Variants in STRA6 observed in about 807,000 individuals in gnomAD.
STRA6 encodes the protein signaling receptor and transporter of retinol STRA6.
A neutral mutation model predicts 83.6 loss-of-function variants in STRA6; 48 were observed. The observed-to-expected ratio is 0.57, with a 90% CI of 0.46 to 0.73. The LOEUF (loss-of-function observed/expected upper bound fraction) is 0.73. Among genes scored for constraint, STRA6 ranks in the 30% least tolerant of loss-of-function variants. STRA6 has a pLI of 0.00. For missense variants in STRA6, 760 were observed against 838.8 expected (o/e 0.91, Z 1.16); for synonymous variants, 353 against 362.3 (o/e 0.97, Z 0.29).
Position 74,202,768 on chromosome 15 carries a change from C to T in STRA6, c.-71G>A, listed in dbSNP as rs539692869. The T allele has an allele frequency of 4.2e-5, 50 of 1,181,210 alleles. No homozygotes were observed. The African/African-American group carries it at 6.5e-4, about 15-fold the overall frequency. 73.2% of individuals were successfully genotyped at this position (1,181,210 alleles called of 1,614,324 possible). On this transcript the variant is annotated 5_prime_UTR_variant, in exon 1 of 19. It adds an upstream start codon to the 5' untranslated region. Coordinates refer to ENST00000395105, the MANE Select transcript of STRA6 (RefSeq NM_022369.4). ...CAGAGATGAAAGGGTAGGCAGCCCA[C>T]GGCCAGCTCCGCACTGCCTGCCTGG... is the stretch of plus-strand genomic sequence containing the variant.
intron 4 of STRA6, among the ~76,000 whole-genome samples, chr15:74,197,092 T>C (rs1595855783): frequency 1.3e-5 from 2 of 152,236 alleles, no homozygotes; most frequent in East Asian, 3.9e-4. Context: ...TCAGGCTTGT[T>C]TCCCTAGGGT....
At chr15:74,209,894 A>G (rs1357412403), upstream of STRA6, among the ~76,000 whole-genome samples, 1 of 152,168 alleles carries the variant, frequency 6.6e-6, no homozygotes, top group Non-Finnish European at 1.5e-5. Context: ...GGCCCTGGAG[A>G]GGCAGTCTCT....
At chr15:74,187,576 G>C (rs1056165429) in intron 12 of STRA6, among the ~76,000 whole-genome samples, 1 of 152,012 alleles carries the variant, frequency 6.6e-6, no homozygotes, top group African/African-American at 2.4e-5. Flanking sequence ...CCAAGTGCTG[G>C]GTGGCAGTCC....
chr15:74,211,393 C>CTTT (rs34963230), upstream of STRA6, among the ~76,000 whole-genome samples: 260 of 73,890 alleles, frequency 3.5e-3, no homozygotes, highest in East Asian at 0.01. Flanking sequence ...CTGCCCCTGG[C>CTTT]TTTTTTTTTT....
In STRA6 at chr15:74,196,007, C is replaced by T. The variant is rs771070398; in HGVS notation, c.406+1G>A. 5.6e-6 allele frequency: 9 copies of T among 1,613,698 alleles called. No individual in the cohort carries two copies. The highest frequency in any genetic ancestry group is 5.1e-6 in the Non-Finnish European group (6 of 1,179,970). On this transcript the variant is annotated splice_donor_variant, in intron 5 of 18. Coordinates refer to ENST00000395105, the MANE Select transcript of STRA6 (RefSeq NM_022369.4). LOFTEE classifies it high-confidence loss of function. Reference sequence around the variant, plus strand: ...CCCAGGGCCTGGGGGTCAGTGGGTACCTTGGCTGGGTGCTGAGGCGAGAGT... The same window carrying T: ...CCCAGGGCCTGGGGGTCAGTGGGTATCTTGGCTGGGTGCTGAGGCGAGAGT...
intron 2 of STRA6, among the ~76,000 whole-genome samples, chr15:74,200,558 A>G (rs1475880707): frequency 6.6e-6 from 1 of 152,218 alleles, no homozygotes; most frequent in Admixed American, 6.5e-5. Flanking sequence ...AGTTCTTCAA[A>G]GCTCTGATGC....
chr15:74,191,846 G>C (rs1402391186), intron 8 of STRA6: 3 of 407,852 alleles, frequency 7.4e-6, no homozygotes, highest in East Asian at 1.1e-4. Flanking sequence ...CTGGGGCAAA[G>C]GGAAGCTTGT....
rs149927443 is a variant in STRA6 at position 74,191,614 on chromosome 15, G to A, written c.721-123C>T. On this transcript the variant is annotated intron_variant, in intron 8 of 18. Transcript: ENST00000395105. ...CCATAAAAACCTGTTGGCCATGGCG[G>A]TGGTGGTGAGTGTGGATGGGGCTGA... is the stretch of plus-strand genomic sequence containing the variant. The A allele has an allele frequency of 8.2e-4, 679 of 824,092 alleles. 2 individuals carry two copies. The African/African-American group carries it at 9.7e-3, about 12-fold the overall frequency. 51.0% of individuals were successfully genotyped at this position (824,092 alleles called of 1,614,324 possible). A position where few individuals can be genotyped will look rare whatever the true frequency, so the allele number is the denominator to read the frequency against.
chr15:74,199,008 T>C (rs1047637165), intron 2 of STRA6, among the ~76,000 whole-genome samples: 1 of 152,028 alleles, frequency 6.6e-6, no homozygotes, highest in African/African-American at 2.4e-5. Flanking sequence ...TGGTGAGCAG[T>C]AGAGCTCCGG....
rs1301976606 is a variant in STRA6 at position 74,188,632 on chromosome 15, T to C, written c.1090+483A>G. Among the ~76,000 whole-genome samples the C allele has an allele frequency of 1.3e-5, 2 of 152,120 alleles. No individual in the cohort carries two copies. Among genetic ancestry groups the C allele is most frequent in the African/African-American group, 4.8e-5 (2 of 41,412 alleles). ...AGGGGAAGCCAAGATGGTTCCCTGGTTCAGGAGCTCATTGTCAGAGGAGGG... is the reference window on the plus strand; with the variant it reads ...AGGGGAAGCCAAGATGGTTCCCTGGCTCAGGAGCTCATTGTCAGAGGAGGG... On this transcript the variant is annotated intron_variant, in intron 12 of 18. Transcript: ENST00000395105. The surrounding 1 kb of genome is among the most constrained non-coding windows in gnomAD (Gnocchi z 4.5).
chr15:74,183,706 AG>A (rs1032312283), intron 14 of STRA6, 149 bp downstream of exon 14: 59 of 1,582,574 alleles, frequency 3.7e-5, no homozygotes, highest in Non-Finnish European at 4.5e-5. Context: ...CAGGGAAGGC[AG>A]GGGGGTCCCT....
chr15:74,182,662 T>G, intron 14 of STRA6: 1 of 585,574 alleles, frequency 1.7e-6, no homozygotes, highest in South Asian at 2.0e-5. Flanking sequence ...ATGGGGATAA[T>G]AGTCCCTACC....
intron 12 of STRA6, 92 bp downstream of exon 12, chr15:74,189,023 C>A: frequency 6.7e-7 from 1 of 1,483,596 alleles, no homozygotes; most frequent in East Asian, 2.4e-5. Flanking sequence ...CCAAGGGCCC[C>A]CAGTGTGTCC....
upstream of STRA6, chr15:74,202,970 C>A: frequency 1.0e-6 from 1 of 986,412 alleles, no homozygotes; most frequent in Non-Finnish European, 1.2e-6. Flanking sequence ...CCAGGAGCCA[C>A]CCCCACCCCC....
upstream of STRA6, among the ~76,000 whole-genome samples, chr15:74,204,922 C>G (rs1048879951): frequency 1.3e-5 from 2 of 149,330 alleles, no homozygotes; most frequent in African/African-American, 4.9e-5. Context: ...ACAAAAGAGG[C>G]AAACTCCATC....
At chr15:74,195,498 T>A in intron 6 of STRA6, 30 bp from the exon 7 acceptor site, 1 of 1,610,282 alleles carries the variant, frequency 6.2e-7, no homozygotes, top group Middle Eastern at 1.7e-4. Flanking sequence ...GAGAGACCCA[T>A]GCTGGAGGGG....
At chr15:74,181,004 C>T in intron 17 of STRA6, 67 bp from the exon 18 acceptor site, 5 of 1,597,436 alleles carry the variant, frequency 3.1e-6, no homozygotes, top group Non-Finnish European at 4.3e-6. Flanking sequence ...CCAGACATCC[C>T]CTAACACACA....
chr15:74,211,849 ACTTTC>A (rs1427542199), upstream of STRA6, among the ~76,000 whole-genome samples: 3 of 149,586 alleles, frequency 2.0e-5, no homozygotes, highest in Admixed American at 6.6e-5. Flanking sequence ...GTCTCTCTCT[ACTTTC>A]CTTCTGTCTC....
chr15:74,181,457 G>A lies in STRA6; in HGVS notation c.1522C>T (p.Arg508Ter), dbSNP rs1343310865. 3.7e-6 allele frequency: 6 copies of A among 1,613,666 alleles called. No homozygotes were observed. Among genetic ancestry groups the A allele is most frequent in the Non-Finnish European group, 5.1e-6 (6 of 1,179,858 alleles). The change falls in exon 17 of 19, where the codon CGA becomes TGA. Residue 508 changes from arginine to a stop codon, truncating the protein, a stop_gained and splice_region_variant. Coordinates refer to ENST00000395105, the MANE Select transcript of STRA6 (RefSeq NM_022369.4). LOFTEE classifies it high-confidence loss of function. ...HDGHPQLTNRRVLYAATFLLF... is the reference protein window; with the variant it reads ...HDGHPQLTNR Reference sequence around the variant, plus strand: ...AGAAAGGTGGCTGCATAGAGCACTCGCCTAGGATGGGAGAAGAAAGCTGAG... The same window carrying A: ...AGAAAGGTGGCTGCATAGAGCACTCACCTAGGATGGGAGAAGAAAGCTGAG...
Sources: gnomAD v4.1 joint callset for allele counts (sites outside exome capture counted in the v4.1 genomes callset) on GRCh38, gnomAD v4.1.1 for gene constraint, Gnocchi (gnomAD v3.1) non-coding constraint, MANE v1.5 for transcripts, NCBI Gene and HGNC (gene_info 2026-07-23, HGNC 2026-07-21) for gene names.